The following EHHADH variants were observed in gnomAD, a reference collection of about 807,000 sequenced individuals.
EHHADH encodes enoyl-CoA hydratase and 3-hydroxyacyl CoA dehydrogenase.
A neutral mutation model predicts 64.4 loss-of-function variants in EHHADH; 48 were observed. The observed-to-expected ratio is 0.75, with a 90% CI of 0.59 to 0.95. The LOEUF (loss-of-function observed/expected upper bound fraction) is 0.95, where lower values mean the gene tolerates loss of function less well. Ranked by LOEUF, EHHADH falls within the 40% of genes least tolerant of loss-of-function variation. The pLI is 0.00. For missense variants in EHHADH, 854 were observed against 876.6 expected, an observed-to-expected ratio of 0.97 and a Z score of 0.33; for synonymous variants, 308 against 326.7, an observed-to-expected ratio of 0.94 and a Z score of 0.62.
At chr3:185,206,858 A>G (rs1259160556) in intron 5 of EHHADH, among the ~76,000 whole-genome samples, 2 of 151,874 alleles carry the variant, frequency 1.3e-5, no homozygotes, top group East Asian at 3.9e-4. Context: ...AAATGAAATG[A>G]CAAGCCATAA....
At chr3:185,244,401 T>C (rs1373979598) in intron 2 of EHHADH, among the ~76,000 whole-genome samples, 1 of 152,238 alleles carries the variant, frequency 6.6e-6, no homozygotes, top group African/African-American at 2.4e-5. Flanking sequence ...AGTTGCTTTG[T>C]TGTCTCAATT....
At chr3:185,253,048 T>C (rs959436504) in intron 1 of EHHADH, among the ~76,000 whole-genome samples, 2 of 151,800 alleles carry the variant, frequency 1.3e-5, no homozygotes, top group African/African-American at 2.4e-5. Flanking sequence ...TACTCCCCAG[T>C]GAGAAAAAGA....
In EHHADH at chr3:185,244,299, T is replaced by C. The variant is rs115767643; in HGVS notation, c.178+4115A>G. 6.4e-3 allele frequency among the ~76,000 whole-genome samples: 978 copies of C among 152,310 alleles called. 11 individuals carry two copies. The highest frequency in any genetic ancestry group is 0.023 in the African/African-American group (940 of 41,566). ...GTTTTGTTTTTTAATCCAATTTGCCTGTCTATATGTTTAAGTGGAGGATTT... is the reference window on the plus strand; with the variant it reads ...GTTTTGTTTTTTAATCCAATTTGCCCGTCTATATGTTTAAGTGGAGGATTT... On this transcript the variant is annotated intron_variant, in intron 2 of 6. Coordinates refer to ENST00000231887, the MANE Select transcript of EHHADH (RefSeq NM_001966.4).
At chr3:185,253,739 G>T in intron 1 of EHHADH, 2 of 1,154,896 alleles carry the variant, frequency 1.7e-6, no homozygotes, top group Non-Finnish European at 2.2e-6. Context: ...TCCCTGCGAA[G>T]ATTAACCAAG....
At chr3:185,213,720 A>G (rs888047355) in intron 5 of EHHADH, among the ~76,000 whole-genome samples, 1 of 151,854 alleles carries the variant, frequency 6.6e-6, no homozygotes, top group African/African-American at 2.4e-5. Context: ...TCTCTAATAA[A>G]ACTACAAAAA....
chr3:185,215,532 T>C (rs900425152), intron 5 of EHHADH, among the ~76,000 whole-genome samples: 5 of 152,160 alleles, frequency 3.3e-5, no homozygotes, highest in African/African-American at 1.2e-4. Context: ...GAAAGGGGTA[T>C]GAGAATACTT....
intron 1 of EHHADH, 88 bp from the exon 2 acceptor site, chr3:185,248,605 T>TA (rs1289430529): frequency 1.1e-6 from 1 of 901,700 alleles, no homozygotes; most frequent in East Asian, 2.4e-5. Flanking sequence ...AATGAAAAAT[T>TA]AAACACACAC....
chr3:185,241,677 G>A (rs955482880), intron 2 of EHHADH, among the ~76,000 whole-genome samples: 8 of 151,890 alleles, frequency 5.3e-5, no homozygotes, highest in African/African-American at 1.9e-4. Context: ...GTTTGAGTTT[G>A]TTGTAGAGTC....
At chr3:185,204,139 A>G (rs1406870806) in intron 6 of EHHADH, among the ~76,000 whole-genome samples, 5 of 149,334 alleles carry the variant, frequency 3.3e-5, no homozygotes, top group African/African-American at 1.2e-4. Context: ...TCTCAAAAAA[A>G]AAAAAAAAAA....
At chr3:185,229,383 C>T (rs753068496) in intron 4 of EHHADH, 49 bp downstream of exon 4, 3 of 1,212,118 alleles carry the variant, frequency 2.5e-6, no homozygotes, top group Non-Finnish European at 3.2e-6. Context: ...AAATCCTAGT[C>T]CAATTCTTCA....
intron 6 of EHHADH, among the ~76,000 whole-genome samples, chr3:185,201,253 T>C (rs1718214057): frequency 6.6e-6 from 1 of 152,108 alleles, no homozygotes; most frequent in Admixed American, 6.6e-5. Flanking sequence ...AGGGAATGAT[T>C]GTCCATAGAG....
chr3:185,243,976 G>A (rs987283799), intron 2 of EHHADH, among the ~76,000 whole-genome samples: 1 of 152,084 alleles, frequency 6.6e-6, no homozygotes, highest in African/African-American at 2.4e-5. Context: ...TTATTGTATA[G>A]CTGTCTATCT....
intron 6 of EHHADH, among the ~76,000 whole-genome samples, chr3:185,197,078 G>A (rs1718083388): frequency 6.6e-6 from 1 of 152,122 alleles, no homozygotes; most frequent in African/African-American, 2.4e-5. Context: ...TCCAGAATAG[G>A]CAAATCCACA....
intron 1 of EHHADH, among the ~76,000 whole-genome samples, chr3:185,248,810 A>C (rs544325189): frequency 1.3e-5 from 2 of 152,314 alleles, no homozygotes; most frequent in Admixed American, 6.5e-5. Context: ...TAAAATTGAC[A>C]CCAACCAATT....
chr3:185,249,380 G>A lies in EHHADH; in HGVS notation c.75-863C>T, dbSNP rs180684511. The stretch of plus-strand genomic sequence containing the variant: ...CTTGAGCTCGTGATCCACCCACCTC[G>A]GCCTCCCAAAGTGCTGGGATTACAG... On this transcript the variant is annotated intron_variant, in intron 1 of 6. Coordinates refer to ENST00000231887, the MANE Select transcript of EHHADH (RefSeq NM_001966.4). Among the ~76,000 whole-genome samples, 372 of 152,222 alleles carry A rather than the reference G, an allele frequency of 2.4e-3. 12 individuals are homozygous for A. The East Asian group carries it at 0.063, about 26-fold the overall frequency.
At chr3:185,217,197 C>G (rs1398929557) in intron 5 of EHHADH, among the ~76,000 whole-genome samples, 3 of 152,104 alleles carry the variant, frequency 2.0e-5, no homozygotes, top group Non-Finnish European at 2.9e-5. Flanking sequence ...CGGTTTAGTA[C>G]CATCCCCTTG....
In EHHADH at chr3:185,204,719, T is replaced by C. The variant is rs199689303; in HGVS notation, c.607A>G (p.Ile203Val). The C allele has an allele frequency of 5.7e-5, 92 of 1,613,574 alleles. No individual in the cohort carries two copies. Among genetic ancestry groups the C allele is most frequent in the Non-Finnish European group, 7.1e-5 (84 of 1,179,560 alleles). Residue 203 changes from isoleucine to valine, a missense_variant, in exon 6 of 7, where the codon ATT becomes GTT. Ile to Val is a conservative substitution (Grantham distance 29). Coordinates refer to ENST00000231887, the MANE Select transcript of EHHADH (RefSeq NM_001966.4). ...LESRRLCNKP[I>V]QSLPNMDSIF... ...CTGTCCATGTTGGGCAAGCTCTGAATTGGCTTGTTGCAGAGTCTACGGGAT... is the reference window on the plus strand; with the variant it reads ...CTGTCCATGTTGGGCAAGCTCTGAACTGGCTTGTTGCAGAGTCTACGGGAT...
Position 185,192,559 on chromosome 3 carries a change from G to C in EHHADH, c.1839C>G (p.Thr613=). The part of the protein sequence containing the change: ...YRKTHHIEPR[T]ISQDEILERC... ...GTTCAAGGATCTCATCCTGGCTAAT[G>C]GTACGTGGTTCAATGTGATGGGTTT... is the stretch of plus-strand genomic sequence containing the variant. The change falls in exon 7 of 7, where the codon ACC becomes ACG. Residue 613 remains threonine, a synonymous_variant. Coordinates refer to ENST00000231887, the MANE Select transcript of EHHADH (RefSeq NM_001966.4). 6.2e-7 allele frequency: 1 copy of C among 1,614,154 alleles called. No individual in the cohort carries two copies. Among genetic ancestry groups the C allele is most frequent in the Non-Finnish European group, 8.5e-7 (1 of 1,180,028 alleles).
At chr3:185,201,057 A>G (rs1718207573) in intron 6 of EHHADH, among the ~76,000 whole-genome samples, 1 of 152,188 alleles carries the variant, frequency 6.6e-6, no homozygotes, top group Non-Finnish European at 1.5e-5. Flanking sequence ...GAAATAACCC[A>G]TTAAGAAAGA....
Sources: gnomAD v4.1 joint callset for allele counts (sites outside exome capture counted in the v4.1 genomes callset) on GRCh38, gnomAD v4.1.1 for gene constraint, MANE v1.5 for transcripts, NCBI Gene and HGNC (gene_info 2026-07-23, HGNC 2026-07-21) for gene names.